The following ROCK1 variants were observed in gnomAD, a reference collection of about 807,000 sequenced individuals.
ROCK1 encodes rho-associated protein kinase 1.
A neutral mutation model predicts 196.8 loss-of-function variants in ROCK1; 36 were observed. The ratio of observed to expected loss-of-function variants is 0.18; its 90% CI spans 0.14 to 0.24. The LOEUF (loss-of-function observed/expected upper bound fraction) is 0.24. Ranked by LOEUF, ROCK1 falls within the 10% of genes least tolerant of loss-of-function variation. The probability of loss-of-function intolerance (pLI) is 1.00; values close to 1 mark genes in which losing one functional copy is unlikely to be tolerated. For missense variants in ROCK1, 920 were observed against 1,562.0 expected, an observed-to-expected ratio of 0.59 and a Z score of 6.93; for synonymous variants, 443 against 515.9, an observed-to-expected ratio of 0.86 and a Z score of 1.91.
chr18:20,971,329 CACACACACACACACAT>C (rs1305935852), intron 22 of ROCK1, among the ~76,000 whole-genome samples: 152 of 77,332 alleles, frequency 2.0e-3, no homozygotes, highest in African/African-American at 5.6e-3. Flanking sequence ...CACACACACA[CACACACACACACACAT>C]ACACACAGAA....
intron 16 of ROCK1, among the ~76,000 whole-genome samples, chr18:20,993,346 G>A (rs983022373): frequency 6.6e-6 from 1 of 152,202 alleles, no homozygotes; most frequent in African/African-American, 2.4e-5. Context: ...GGGACTACAG[G>A]CGCCTGCCAC....
intron 1 of ROCK1, among the ~76,000 whole-genome samples, chr18:21,080,331 A>G (rs1202664745): frequency 6.6e-6 from 1 of 152,220 alleles, no homozygotes; most frequent in African/African-American, 2.4e-5. Context: ...TGGACTTGAT[A>G]AAGACATTAA....
At chr18:21,056,906 C>T (rs2036249027) in intron 2 of ROCK1, among the ~76,000 whole-genome samples, 2 of 152,164 alleles carry the variant, frequency 1.3e-5, no homozygotes, top group African/African-American at 4.8e-5. Flanking sequence ...TCTCTTCCCT[C>T]AGACATCCAC....
At chr18:20,980,320 A>G (rs1252734377) in intron 21 of ROCK1, among the ~76,000 whole-genome samples, 1 of 152,216 alleles carries the variant, frequency 6.6e-6, no homozygotes, top group African/African-American at 2.4e-5. Flanking sequence ...TACATACAAC[A>G]TGTAAATCTA....
At chr18:20,958,831 T>A (rs183628932) in intron 29 of ROCK1, among the ~76,000 whole-genome samples, 3,542 of 68,076 alleles carry the variant, frequency 0.052, no homozygotes, top group African/African-American at 0.11. Flanking sequence ...CTGTATTTTT[T>A]AAAGAAATTT....
intron 2 of ROCK1, among the ~76,000 whole-genome samples, chr18:21,060,147 C>T (rs2036276530): frequency 1.3e-5 from 2 of 152,138 alleles, no homozygotes; most frequent in Admixed American, 1.3e-4. Flanking sequence ...TACACATACA[C>T]CCAAAAAGCT....
At chr18:21,039,392 AT>A in intron 9 of ROCK1, 79 bp downstream of exon 9, 1 of 936,098 alleles carries the variant, frequency 1.1e-6, no homozygotes. Context: ...ACACACAAAT[AT>A]TTAGCAATGT....
At chr18:20,982,171 G>A (rs931679745) in intron 21 of ROCK1, among the ~76,000 whole-genome samples, 3 of 152,178 alleles carry the variant, frequency 2.0e-5, no homozygotes, top group African/African-American at 4.8e-5. Context: ...GGATGCTACC[G>A]ATCACTTTGC....
chr18:21,003,077 C>T (rs1284161808), intron 16 of ROCK1, among the ~76,000 whole-genome samples: 1 of 152,098 alleles, frequency 6.6e-6, no homozygotes, highest in Non-Finnish European at 1.5e-5. Context: ...TACCTAAATA[C>T]TACTTACAAG....
At chr18:21,019,099 C>G (rs2035890165) in intron 12 of ROCK1, among the ~76,000 whole-genome samples, 1 of 152,166 alleles carries the variant, frequency 6.6e-6, no homozygotes, top group African/African-American at 2.4e-5. Context: ...ATATTTTAAT[C>G]TTCAACATTT....
chr18:20,984,679 C>T (rs1350816237), intron 19 of ROCK1, 144 bp from the exon 20 acceptor site: 1 of 606,420 alleles, frequency 1.6e-6, no homozygotes, highest in African/African-American at 1.9e-5. Context: ...CTTCATTGTT[C>T]CACGTGTTTA....
rs1303362595 is a variant in ROCK1, at chr18:20,949,266, C to T, written c.*2118G>A. Reference sequence around the variant, plus strand: ...AAGGTAGTAAGGACACCGTCAGGAACTGTGCTGAGATTTTATCCTGTTTGC... The same window carrying T: ...AAGGTAGTAAGGACACCGTCAGGAATTGTGCTGAGATTTTATCCTGTTTGC... On this transcript the variant is annotated 3_prime_UTR_variant, in exon 33 of 33. Coordinates refer to ENST00000399799, the MANE Select transcript of ROCK1 (RefSeq NM_005406.3). 1 of 152,080 alleles carries T rather than the reference C, an allele frequency of 6.6e-6. No homozygotes were observed. The highest frequency in any genetic ancestry group is 1.5e-5 in the Non-Finnish European group (1 of 68,022). The allele number at this position is 152,080 out of a possible 1,614,324, so 9.4% of individuals were successfully genotyped here.
At chr18:20,983,741 A>AT (rs1169234742) in intron 20 of ROCK1, among the ~76,000 whole-genome samples, 2 of 152,192 alleles carry the variant, frequency 1.3e-5, no homozygotes, top group African/African-American at 4.8e-5. Flanking sequence ...TATAAATCCA[A>AT]TTTTATGAAA....
rs532231274 is a variant in ROCK1 at position 20,984,273 on chromosome 18, A to C, written c.2489+78T>G. ...CAAACTCTAAGTACATAATCTGTACATATGTAAAATGTCAAACACACAAGT... is the reference window on the plus strand; with the variant it reads ...CAAACTCTAAGTACATAATCTGTACCTATGTAAAATGTCAAACACACAAGT... On this transcript the variant is annotated intron_variant, in intron 20 of 32. Coordinates refer to ENST00000399799, the MANE Select transcript of ROCK1 (RefSeq NM_005406.3). 1.7e-5 allele frequency: 18 copies of C among 1,058,258 alleles called. No homozygotes were observed. The African/African-American group carries it at 2.7e-4, about 16-fold the overall frequency. 65.6% of individuals were successfully genotyped at this position (1,058,258 alleles called of 1,614,324 possible).
chr18:20,991,368 A>G (rs1450372041), intron 17 of ROCK1, 42 bp from the exon 18 acceptor site: 3 of 1,334,752 alleles, frequency 2.2e-6, no homozygotes, highest in South Asian at 2.9e-5. Context: ...ACTGTGCAGA[A>G]GGCATGCATG....
chr18:21,008,921 G>C (rs987014561), intron 13 of ROCK1, among the ~76,000 whole-genome samples: 14 of 152,072 alleles, frequency 9.2e-5, no homozygotes, highest in African/African-American at 3.4e-4. Context: ...AATTCTCACT[G>C]GTATAAGGAG....
intron 16 of ROCK1, among the ~76,000 whole-genome samples, chr18:20,993,990 C>G (rs2035649029): frequency 6.6e-6 from 1 of 152,286 alleles, no homozygotes; most frequent in South Asian, 2.1e-4. Context: ...GTACTTGTCC[C>G]ACTCTCAAAT....
chr18:20,980,126 A>G, intron 21 of ROCK1, 122 bp from the exon 22 acceptor site: 1 of 1,211,100 alleles, frequency 8.3e-7, no homozygotes, highest in Non-Finnish European at 1.1e-6. Flanking sequence ...GTATTTACCC[A>G]TGACAAATGC....
chr18:20,956,904 C>T (rs201006251), intron 29 of ROCK1, among the ~76,000 whole-genome samples: 3 of 151,780 alleles, frequency 2.0e-5, no homozygotes, highest in East Asian at 1.9e-4. Context: ...TGGCTAATAA[C>T]GACATGAAAG....
Sources: allele counts gnomAD v4.1 joint callset (sites outside exome capture counted in the v4.1 genomes callset), GRCh38; gene constraint gnomAD v4.1.1; transcripts MANE v1.5; gene names NCBI Gene and HGNC (gene_info 2026-07-23, HGNC 2026-07-21).